The following LRRK2 variants were observed in gnomAD, a reference collection of about 807,000 sequenced individuals.
LRRK2 encodes leucine rich repeat kinase 2, also known as leucine-rich repeat serine/threonine-protein kinase 2.
LRRK2 carries 203 observed loss-of-function variants against 302.6 expected under a neutral mutation model. The observed-to-expected ratio is 0.67, with a 90% CI of 0.60 to 0.75. LRRK2 has a LOEUF of 0.75. LRRK2 is among the 30% of genes least tolerant of loss of function. The probability of loss-of-function intolerance (pLI) is 0.00; values close to 1 mark genes in which losing one functional copy is unlikely to be tolerated. For missense variants in LRRK2, 2,830 were observed against 2,951.0 expected, an observed-to-expected ratio of 0.96 and a Z score of 0.95; for synonymous variants, 1,066 against 1,031.9, an observed-to-expected ratio of 1.03 and a Z score of -0.63.
In LRRK2 at chr12:40,335,165, G is replaced by C. The variant is rs756480297; in HGVS notation, c.5948+8G>C. 1.8e-5 allele frequency: 29 copies of C among 1,613,758 alleles called. No individual in the cohort carries two copies. The highest frequency in any genetic ancestry group is 1.6e-4 in the Middle Eastern group (1 of 6,078). On this transcript the variant is annotated splice_region_variant and intron_variant, in intron 40 of 50. Transcript: ENST00000298910. ...CGTAGCTGATGGTTTGAGGTAAGTA[G>C]GTCATGTTGTTTTCTATTCAGTGCA...
rs1009804381 is a variant in LRRK2, at chr12:40,251,351, C to T, written c.1078C>T (p.His360Tyr). 1.9e-6 allele frequency: 3 copies of T among 1,613,636 alleles called. No individual in the cohort carries two copies. The African/African-American group carries it at 4.0e-5, about 22-fold the overall frequency. ...LEACYKALTW[H>Y]RKNKHVQEAA... ...AGCCTGTTACAAAGCATTAACGTGG[C>T]ATAGAAAGAACAAGCACGTGCAGGT... Residue 360 changes from histidine to tyrosine, a missense_variant, in exon 9 of 51, where the codon CAT becomes TAT. This residue lies in a region of LRRK2 where 2,121 missense variants were observed against 2,148.0 expected (regional missense o/e 0.99). Transcript: ENST00000298910.
At chr12:40,246,838 G>A (rs1315840744) in intron 7 of LRRK2, among the ~76,000 whole-genome samples, 1 of 152,096 alleles carries the variant, frequency 6.6e-6, no homozygotes, top group Non-Finnish European at 1.5e-5. Flanking sequence ...CTACTCTGGC[G>A]TTCAACTCAC....
At chr12:40,335,558 C>A (rs1945843891) in intron 40 of LRRK2, among the ~76,000 whole-genome samples, 1 of 152,124 alleles carries the variant, frequency 6.6e-6, no homozygotes, top group Non-Finnish European at 1.5e-5. Context: ...TCGGCATGAC[C>A]ATCTCACATG....
At chr12:40,225,473 T>G (rs1262614366) in intron 1 of LRRK2, 82 bp from the exon 2 acceptor site, 1 of 1,363,214 alleles carries the variant, frequency 7.3e-7, no homozygotes, top group African/African-American at 1.4e-5. Flanking sequence ...TTTTTGACTT[T>G]TCTCCCCGTT....
chr12:40,366,477 T>C (rs1946884106), intron 49 of LRRK2: 2 of 154,926 alleles, frequency 1.3e-5, no homozygotes, highest in African/African-American at 4.8e-5. Context: ...TTAGTGTGTT[T>C]TTGTTTACCC....
intron 2 of LRRK2, among the ~76,000 whole-genome samples, chr12:40,229,502 A>T (rs535793692): frequency 6.6e-6 from 1 of 152,098 alleles, no homozygotes; most frequent in Non-Finnish European, 1.5e-5. Context: ...TTTCCTGCCT[A>T]TCTTTTCACT....
chr12:40,265,477 G>A (rs898268545), intron 14 of LRRK2, among the ~76,000 whole-genome samples: 9 of 152,182 alleles, frequency 5.9e-5, no homozygotes, highest in South Asian at 2.1e-4. Flanking sequence ...ATGAGACAGC[G>A]TAAATTGGCA....
intron 18 of LRRK2, among the ~76,000 whole-genome samples, chr12:40,281,224 G>T (rs909572565): frequency 6.6e-6 from 1 of 152,124 alleles, no homozygotes; most frequent in Non-Finnish European, 1.5e-5. Flanking sequence ...CTACGAAAAG[G>T]TCCAGTAGGT....
intron 48 of LRRK2, among the ~76,000 whole-genome samples, chr12:40,363,886 A>G (rs1292369482): frequency 6.6e-6 from 1 of 151,986 alleles, no homozygotes; most frequent in East Asian, 1.9e-4. Context: ...TACTATTTAT[A>G]ATTAAATTAT....
chr12:40,232,278 G>T lies in LRRK2; in HGVS notation c.242G>T (p.Gly81Val), dbSNP rs1941237744. Residue 81 changes from glycine (G) to valine (V), a missense_variant, in exon 3 of 51, where the codon GGT (glycine) becomes GTT (valine). Physicochemically the swap from Gly to Val is moderately radical, Grantham distance 109. Coordinates refer to ENST00000298910, the MANE Select transcript of LRRK2 (RefSeq NM_198578.4). The part of the protein sequence containing the change: ...YMRVASVQQV[G>V]WSLLCKLIEV... ...ATATGTCTTTCTTGTTTTCAGGTGG[G>T]TTGGTCACTTCTGTGCAAATTAATA... 6.2e-7 allele frequency: 1 copy of T among 1,612,372 alleles called. No homozygotes were observed. The highest frequency in any genetic ancestry group is 8.5e-7 in the Non-Finnish European group (1 of 1,178,466).
intron 33 of LRRK2, among the ~76,000 whole-genome samples, chr12:40,316,933 C>A (rs939347157): frequency 2.0e-5 from 3 of 152,012 alleles, no homozygotes; most frequent in Admixed American, 6.6e-5. Flanking sequence ...CAAGGAAAAG[C>A]TAAAGTTGCT....
Position 40,320,073 on chromosome 12 carries a change from A to G in LRRK2, c.4913A>G (p.Lys1638Arg), listed in dbSNP as rs1945352058. 1 of 1,611,672 alleles carries G rather than the reference A, an allele frequency of 6.2e-7. No individual in the cohort carries two copies. The highest frequency in any genetic ancestry group is 1.1e-5 in the South Asian group (1 of 90,530). ...GATGTGGAAAAATTTCTTTCAAAAA[A>G]AAGGAAATTTCCAAAGAACTACATG... ...RRDVEKFLSK[K>R]RKFPKNYMSQ... The change falls in exon 34 of 51, where the codon AAA becomes AGA. Residue 1638 changes from lysine (K) to arginine (R), a missense_variant. By Grantham distance (26) the Lys-to-Arg change is conservative. Transcript: ENST00000298910.
At chr12:40,354,168 G>T in intron 44 of LRRK2, 131 bp from the exon 45 acceptor site, 1 of 718,140 alleles carries the variant, frequency 1.4e-6, no homozygotes, top group Non-Finnish European at 2.3e-6. Context: ...AAATAAAATT[G>T]GCATTGTTTT....
In LRRK2 at chr12:40,315,837, A is replaced by G. The variant is rs562596423; in HGVS notation, c.4827+537A>G. Among the ~76,000 whole-genome samples, 186 of 152,104 alleles carry G rather than the reference A, an allele frequency of 1.2e-3. 1 individual carries two copies. The highest frequency in any genetic ancestry group is 4.0e-3 in the African/African-American group (166 of 41,532). ...TTCTCCAAATGATAATCCATTACCA[A>G]TGAGTTTAATTAGTTATAATAATCC... On this transcript the variant is annotated intron_variant, in intron 33 of 50. Coordinates refer to ENST00000298910, the MANE Select transcript of LRRK2 (RefSeq NM_198578.4).
chr12:40,303,917 T>C, intron 26 of LRRK2, 31 bp from the exon 27 acceptor site: 1 of 1,603,944 alleles, frequency 6.2e-7, no homozygotes, highest in Admixed American at 1.7e-5. Flanking sequence ...AATACTCATT[T>C]GGTTTATGTC....
At chr12:40,327,944 G>A (rs894534551) in intron 38 of LRRK2, among the ~76,000 whole-genome samples, 1 of 152,200 alleles carries the variant, frequency 6.6e-6, no homozygotes, top group African/African-American at 2.4e-5. Flanking sequence ...ATAAAAACTA[G>A]TTAGGAGAAA....
intron 22 of LRRK2, among the ~76,000 whole-genome samples, chr12:40,295,206 TTC>T (rs1315590423): frequency 2.0e-5 from 3 of 152,030 alleles, no homozygotes; most frequent in Non-Finnish European, 4.4e-5. Context: ...CCAGTTTTCT[TTC>T]TTTCTTTTTT....
In LRRK2 at chr12:40,277,881, C is replaced by A. The variant is rs773228189; in HGVS notation, c.1942-7C>A. 6.3e-7 allele frequency: 1 copy of A among 1,597,210 alleles called. No individual in the cohort carries two copies. Among genetic ancestry groups the A allele is most frequent in the Non-Finnish European group, 8.5e-7 (1 of 1,172,154 alleles). On this transcript the variant is annotated splice_polypyrimidine_tract_variant and splice_region_variant and intron_variant, in intron 16 of 50. Coordinates refer to ENST00000298910, the MANE Select transcript of LRRK2 (RefSeq NM_198578.4). ...TTATTTTATTATTTTTTTTCTTATA[C>A]TTTTAGGGATTTCAGACAATCTTAG...
At chr12:40,309,085 T>A in intron 29 of LRRK2, 21 bp from the exon 30 acceptor site, 1 of 1,611,992 alleles carries the variant, frequency 6.2e-7, no homozygotes, top group Non-Finnish European at 8.5e-7. Flanking sequence ...TTAAAAAAAT[T>A]TGTCTCTAAT....
Sources: allele counts gnomAD v4.1 joint callset (sites outside exome capture counted in the v4.1 genomes callset), GRCh38; gene constraint gnomAD v4.1.1; regional missense constraint gnomAD v4.1.1; transcripts MANE v1.5; gene names NCBI Gene and HGNC (gene_info 2026-07-23, HGNC 2026-07-21).